STK24: variants seen among roughly 807,000 people sequenced by gnomAD.
STK24 encodes the protein serine/threonine kinase 24.
In STK24, 21 loss-of-function variants were observed where a neutral mutation model predicts 55.6. That is an observed-to-expected ratio of 0.38 (90% CI 0.27 to 0.54). The LOEUF is 0.54. STK24 is among the 20% of genes least tolerant of loss of function. The pLI is 0.79. For synonymous variants in STK24, 200 were observed against 215.2 expected (o/e 0.93, Z 0.62); for missense variants, 383 against 538.4 (o/e 0.71, Z 2.86).
intron 5 of STK24, among the ~76,000 whole-genome samples, chr13:98,470,139 G>A (rs762977429): frequency 1.3e-5 from 2 of 152,194 alleles, no homozygotes; most frequent in Non-Finnish European, 2.9e-5. Context: ...AATGACAGCA[G>A]ATCAAGAACT....
In STK24 at chr13:98,499,857, G is replaced by A. The variant is rs142657604; in HGVS notation, c.274-17536C>T. Among the ~76,000 whole-genome samples, 373 of 152,300 alleles carry A rather than the reference G, an allele frequency of 2.4e-3. 2 individuals are homozygous for A. Among genetic ancestry groups the A allele is most frequent in the African/African-American group, 8.2e-3 (342 of 41,554 alleles). ...AACTGAAAGGACTAAATGCAGGAGC[G>A]TGAGCCATACCCACCTGAGGCAGAG... On this transcript the variant is annotated intron_variant, in intron 2 of 10. Coordinates refer to ENST00000539966, the MANE Select transcript of STK24 (RefSeq NM_001032296.4).
At chr13:98,476,297 T>C (rs1339141758) in intron 3 of STK24, among the ~76,000 whole-genome samples, 1 of 142,030 alleles carries the variant, frequency 7.0e-6, no homozygotes, top group African/African-American at 2.5e-5. Flanking sequence ...ATTCCACAGA[T>C]GACAGCAGCA....
At position 98,457,385 on chromosome 13, in the gene STK24, G is replaced by A. The variant is rs574923828; in HGVS notation, c.1123-81C>T. 5.2e-5 allele frequency: 83 copies of A among 1,601,980 alleles called. No individual in the cohort carries two copies. In the African/African-American group the frequency reaches 8.0e-4, roughly 15 times the overall value. On this transcript the variant is annotated intron_variant, in intron 9 of 10. Transcript: ENST00000539966. ...AAGCATGCTGTTCAAGGAACAACAC[G>A]GCGTGTGGACCACGACACTACCCCA...
chr13:98,557,019 C>CCCAT (rs1017059746), intron 1 of STK24, among the ~76,000 whole-genome samples: 1 of 152,208 alleles, frequency 6.6e-6, no homozygotes, highest in African/African-American at 2.4e-5. Flanking sequence ...CACCTCGCAC[C>CCCAT]CCATCCATCC....
At chr13:98,554,068 CA>C (rs36119384) in intron 1 of STK24, among the ~76,000 whole-genome samples, 1,237 of 98,092 alleles carry the variant, frequency 0.013, 13 homozygotes, top group African/African-American at 0.038. Context: ...GACTCAGTCT[CA>C]AAAAAAAAAA....
chr13:98,486,095 T>C (rs1211944120), intron 2 of STK24, among the ~76,000 whole-genome samples: 4 of 151,496 alleles, frequency 2.6e-5, no homozygotes, highest in East Asian at 1.9e-4. Context: ...TTAGGAGAAA[T>C]ACCCAATGTA....
intron 2 of STK24, among the ~76,000 whole-genome samples, chr13:98,504,017 G>A (rs931313337): frequency 6.6e-6 from 1 of 152,196 alleles, no homozygotes; most frequent in Non-Finnish European, 1.5e-5. Flanking sequence ...GAGATGTGAA[G>A]TCTATGGAGA....
At chr13:98,553,165 AG>A (rs1813636919) in intron 1 of STK24, 1 of 152,250 alleles carries the variant, frequency 6.6e-6, no homozygotes, top group African/African-American at 2.4e-5. Flanking sequence ...CCACCACGGT[AG>A]GCTAAGCTCC....
Position 98,466,551 on chromosome 13 carries a change from C to A in STK24, c.608G>T (p.Trp203Leu). 1 of 1,613,608 alleles carries A rather than the reference C, an allele frequency of 6.2e-7. No individual in the cohort carries two copies. The highest frequency in any genetic ancestry group is 8.5e-7 in the Non-Finnish European group (1 of 1,179,820). ...QSAYDSKADIWSLGITAIELA... is the reference protein window; with the variant it reads ...QSAYDSKADILSLGITAIELA... ...TTCAATAGCTGTTATGCCCAGGGAC[C>A]AGATGTCTGCCTGCAACAAGAAAAG... is the stretch of plus-strand genomic sequence containing the variant. Residue 203 changes from tryptophan to leucine, a missense_variant, in exon 6 of 11, where the codon TGG becomes TTG. Trp to Leu is a moderately conservative substitution (Grantham distance 61). Coordinates refer to ENST00000539966, the MANE Select transcript of STK24 (RefSeq NM_001032296.4).
At position 98,446,582 on chromosome 13, in the gene STK24, T is replaced by A; in HGVS notation, c.*6591A>T. On this transcript the variant is annotated 3_prime_UTR_variant, in exon 11 of 11. Coordinates refer to ENST00000539966, the MANE Select transcript of STK24 (RefSeq NM_001032296.4). ...GGAGGGAGCTGCCTGGGCTCCCAAG[T>A]CCCTGTCTGATGCGGGGCAGCAGCC... The A allele has an allele frequency of 1.4e-6, 2 of 1,448,156 alleles. No homozygotes were observed. The allele number at this position is 1,448,156 out of a possible 1,614,324, so 89.7% of individuals were successfully genotyped here.
chr13:98,463,611 ACG>A, intron 7 of STK24, 78 bp downstream of exon 7: 1 of 1,479,608 alleles, frequency 6.8e-7, no homozygotes, highest in Non-Finnish European at 9.0e-7. Context: ...TCAACAGAAA[ACG>A]AAACCCACAC....
rs987108213 is a variant in STK24 at position 98,448,016 on chromosome 13, G to A, written c.*5157C>T. The A allele has an allele frequency of 1.5e-5, 9 of 581,262 alleles. 1 individual carries two copies. The highest frequency in any genetic ancestry group is 1.2e-4 in the Admixed American group (4 of 32,702). The allele number at this position is 581,262 out of a possible 1,614,324, so 36.0% of individuals were successfully genotyped here. Reference sequence around the variant, plus strand: ...GGAGCGGGCAGTGTCACTGCAGCAAGGTACTTCCAGCTCCACACTGAGTGA... The same window carrying A: ...GGAGCGGGCAGTGTCACTGCAGCAAAGTACTTCCAGCTCCACACTGAGTGA... On this transcript the variant is annotated 3_prime_UTR_variant, in exon 11 of 11. Coordinates refer to ENST00000539966, the MANE Select transcript of STK24 (RefSeq NM_001032296.4).
intron 2 of STK24, among the ~76,000 whole-genome samples, chr13:98,484,820 G>C (rs1458293007): frequency 6.6e-6 from 1 of 152,096 alleles, no homozygotes; most frequent in African/African-American, 2.4e-5. Flanking sequence ...CCCGCCTCAG[G>C]ACCAAGGCCG....
Position 98,565,800 on chromosome 13 carries a change from T to C in STK24, c.42+10945A>G, listed in dbSNP as rs368492532. Among the ~76,000 whole-genome samples the C allele has an allele frequency of 1.8e-4, 27 of 152,006 alleles. No individual in the cohort carries two copies. The East Asian group carries it at 1.9e-3, about 11-fold the overall frequency. On this transcript the variant is annotated intron_variant, in intron 1 of 10. Coordinates refer to ENST00000539966, the MANE Select transcript of STK24 (RefSeq NM_001032296.4). Reference sequence around the variant, plus strand: ...GGGGCTCAGAGCTCACTACAGAGAATGGAGATAAAGGAACAAGGAAAACAT... The same window carrying C: ...GGGGCTCAGAGCTCACTACAGAGAACGGAGATAAAGGAACAAGGAAAACAT...
At chr13:98,542,949 C>T (rs1383926881) in intron 1 of STK24, 11 of 985,280 alleles carry the variant, frequency 1.1e-5, no homozygotes, top group African/African-American at 1.7e-5. Context: ...GACGATGGGA[C>T]GGAGTACCAA....
intron 2 of STK24, among the ~76,000 whole-genome samples, chr13:98,494,589 T>C (rs186726749): frequency 9.3e-4 from 141 of 152,238 alleles, no homozygotes; most frequent in African/African-American, 3.2e-3. Context: ...GAAGGGACTG[T>C]TCACTGTGGT....
chr13:98,529,413 T>C lies in STK24; in HGVS notation c.43-9940A>G, dbSNP rs557752219. 5.9e-5 allele frequency among the ~76,000 whole-genome samples: 9 copies of C among 152,236 alleles called. No individual in the cohort carries two copies. In the East Asian group the frequency reaches 1.5e-3, roughly 26 times the overall value. On this transcript the variant is annotated intron_variant, in intron 1 of 10. Coordinates refer to ENST00000539966, the MANE Select transcript of STK24 (RefSeq NM_001032296.4). ...CTGTGACCTGCTGTCAGAGTTGATC[T>C]TCCTAAAAGCTCACGGTTTCCTTCA...
chr13:98,566,094 C>T (rs775061450), intron 1 of STK24, among the ~76,000 whole-genome samples: 7 of 152,196 alleles, frequency 4.6e-5, no homozygotes, highest in Non-Finnish European at 7.3e-5. Context: ...GGACCCACAC[C>T]GCCAGCTGCC....
intron 5 of STK24, among the ~76,000 whole-genome samples, chr13:98,473,590 C>T (rs544889914): frequency 1.2e-3 from 186 of 152,264 alleles, no homozygotes; most frequent in African/African-American, 4.4e-3. Context: ...GTCCCTCCCA[C>T]GTGGGGTAGA....
Sources: gnomAD v4.1 joint callset for allele counts (sites outside exome capture counted in the v4.1 genomes callset) on GRCh38, gnomAD v4.1.1 for gene constraint, MANE v1.5 for transcripts, NCBI Gene and HGNC (gene_info 2026-07-23, HGNC 2026-07-21) for gene names.